Variants in SUMF1 observed in about 807,000 individuals in gnomAD.
SUMF1 encodes sulfatase modifying factor 1.
In SUMF1, 48 loss-of-function variants were observed where a neutral mutation model predicts 47.6. The observed-to-expected ratio is 1.01, with a 90% CI of 0.80 to 1.28. The LOEUF (loss-of-function observed/expected upper bound fraction) is 1.28. Among genes scored for constraint, SUMF1 ranks in the 50% most tolerant of loss-of-function variants. The pLI is 0.00. For missense variants in SUMF1, 571 were observed against 485.4 expected (o/e 1.18, Z -1.66); for synonymous variants, 230 against 192.1 (o/e 1.20, Z -1.63).
chr3:4,398,470 C>G (rs1701107120), intron 7 of SUMF1, among the ~76,000 whole-genome samples: 1 of 152,140 alleles, frequency 6.6e-6, no homozygotes, highest in Admixed American at 6.5e-5. Flanking sequence ...TCTTAATAAC[C>G]TGGTTTTATT....
chr3:4,249,244 C>A (rs552783162), intron 8 of SUMF1, among the ~76,000 whole-genome samples: 185 of 152,252 alleles, frequency 1.2e-3, no homozygotes, highest in African/African-American at 4.0e-3. Flanking sequence ...CTACTGAGTG[C>A]CAAAACCAAA....
At chr3:4,253,881 G>C (rs958176615) in intron 8 of SUMF1, among the ~76,000 whole-genome samples, 1 of 150,054 alleles carries the variant, frequency 6.7e-6, no homozygotes, top group Admixed American at 6.6e-5. Flanking sequence ...GCTTTGAAGA[G>C]AGCAGTGGTT....
rs1446717408 is a variant in SUMF1, at chr3:4,291,115, C to A, written c.1014+85215G>T. Among the ~76,000 whole-genome samples, 3 of 152,076 alleles carry A rather than the reference C, an allele frequency of 2.0e-5. No homozygotes were observed. In the East Asian group the frequency reaches 5.8e-4, roughly 29 times the overall value. On this transcript the variant is annotated intron_variant and NMD_transcript_variant, in intron 8 of 12. Coordinates refer to the SUMF1 transcript ENST00000448413. ...TGTCGGGCACATAGTATGTGTCCGCCAAATATTATAATAACTATTCCCGAT... is the reference window on the plus strand; with the variant it reads ...TGTCGGGCACATAGTATGTGTCCGCAAAATATTATAATAACTATTCCCGAT...
chr3:4,329,212 C>T (rs553702719), intron 8 of SUMF1, among the ~76,000 whole-genome samples: 52 of 152,298 alleles, frequency 3.4e-4, no homozygotes, highest in Non-Finnish European at 6.6e-4. Context: ...GTCTGGAGGA[C>T]GGTGGCCCTC....
chr3:4,451,301 T>A (rs1380647329), intron 2 of SUMF1, among the ~76,000 whole-genome samples: 1 of 152,152 alleles, frequency 6.6e-6, no homozygotes, highest in Non-Finnish European at 1.5e-5. Flanking sequence ...ATTAAAAATG[T>A]CTGTGATTTC....
At position 4,224,448 on chromosome 3, in the gene SUMF1, C is replaced by A. The variant is rs538335479; in HGVS notation, c.1014+151882G>T. 6.6e-5 allele frequency among the ~76,000 whole-genome samples: 10 copies of A among 152,136 alleles called. No homozygotes were observed. The South Asian group carries it at 2.1e-3, about 32-fold the overall frequency. The stretch of plus-strand genomic sequence containing the variant: ...TTTTCCCCATCTCTTATTTTTATAA[C>A]AAACCCTGCCATGTGCACCATTACC... On this transcript the variant is annotated intron_variant and NMD_transcript_variant, in intron 8 of 12. Coordinates refer to the SUMF1 transcript ENST00000448413.
At chr3:4,259,561 T>C (rs1227181351) in intron 8 of SUMF1, among the ~76,000 whole-genome samples, 1 of 152,196 alleles carries the variant, frequency 6.6e-6, no homozygotes, top group Non-Finnish European at 1.5e-5. Context: ...GTTTTTATTT[T>C]TATTTTATTT....
chr3:4,175,769 AC>A (rs1484266647), intron 8 of SUMF1, among the ~76,000 whole-genome samples: 1 of 152,178 alleles, frequency 6.6e-6, no homozygotes, highest in Non-Finnish European at 1.5e-5. Flanking sequence ...CAAACCCATC[AC>A]AAGGAAGCTA....
chr3:4,193,142 A>G (rs1695356041), intron 8 of SUMF1, among the ~76,000 whole-genome samples: 1 of 152,104 alleles, frequency 6.6e-6, no homozygotes, highest in African/African-American at 2.4e-5. Flanking sequence ...GTGATGTCCA[A>G]TCTGGAAGCT....
intron 8 of SUMF1, among the ~76,000 whole-genome samples, chr3:4,139,993 CT>C (rs954070123): frequency 1.3e-5 from 2 of 152,094 alleles, no homozygotes; most frequent in Admixed American, 1.3e-4. Context: ...TTTGCAGGAA[CT>C]CAAAATAAGG....
At chr3:4,260,686 G>A (rs973119358) in intron 8 of SUMF1, among the ~76,000 whole-genome samples, 4 of 152,048 alleles carry the variant, frequency 2.6e-5, no homozygotes, top group Non-Finnish European at 5.9e-5. Context: ...AGTGAGCTGA[G>A]ATCTCGCCAC....
chr3:4,174,772 C>G (rs1387104048), intron 8 of SUMF1, among the ~76,000 whole-genome samples: 1 of 152,164 alleles, frequency 6.6e-6, no homozygotes, highest in Non-Finnish European at 1.5e-5. Context: ...GGAGATTTCT[C>G]TTTCCTAGCC....
chr3:4,276,039 C>A (rs533454599), intron 8 of SUMF1, among the ~76,000 whole-genome samples: 1 of 152,124 alleles, frequency 6.6e-6, no homozygotes, highest in African/African-American at 2.4e-5. Context: ...AATACTCAAG[C>A]CCTGATCTGT....
chr3:4,264,504 CT>C (rs1003319582), intron 8 of SUMF1, among the ~76,000 whole-genome samples: 10 of 151,588 alleles, frequency 6.6e-5, no homozygotes, highest in South Asian at 2.1e-4. Context: ...CATCAGAACA[CT>C]TTTTTTTTAT....
intron 8 of SUMF1, among the ~76,000 whole-genome samples, chr3:4,139,568 A>ATGTGTG (rs370162925): frequency 1.1e-3 from 162 of 150,274 alleles, no homozygotes; most frequent in East Asian, 1.8e-3. Context: ...ATATATATGC[A>ATGTGTG]TGTGTGTGTG....
At chr3:4,380,169 T>C (rs1399271125) in intron 7 of SUMF1, among the ~76,000 whole-genome samples, 3 of 152,142 alleles carry the variant, frequency 2.0e-5, no homozygotes, top group Admixed American at 1.3e-4. Context: ...GGAATTAACC[T>C]AGATATCCAT....
intron 1 of SUMF1, among the ~76,000 whole-genome samples, chr3:4,458,055 A>G (rs548357786): frequency 2.0e-5 from 3 of 152,350 alleles, no homozygotes; most frequent in East Asian, 3.9e-4. Flanking sequence ...AAAGAACTCA[A>G]TTTAAAAATG....
chr3:4,318,247 C>T (rs1265802944), intron 8 of SUMF1, among the ~76,000 whole-genome samples: 5 of 150,814 alleles, frequency 3.3e-5, no homozygotes, highest in South Asian at 2.1e-4. Context: ...AAGAATTATA[C>T]ACTGTGATCC....
intron 8 of SUMF1, among the ~76,000 whole-genome samples, chr3:4,222,593 C>G (rs1007640980): frequency 6.6e-6 from 1 of 152,058 alleles, no homozygotes; most frequent in South Asian, 2.1e-4. Flanking sequence ...TAGCTCTCTA[C>G]CCGGAGGGCC....
Sources: allele counts gnomAD v4.1 joint callset (sites outside exome capture counted in the v4.1 genomes callset), GRCh38; gene constraint gnomAD v4.1.1; transcripts MANE v1.5; gene names NCBI Gene and HGNC (gene_info 2026-07-23, HGNC 2026-07-21).